Variants in RP1L1 observed in about 807,000 individuals in gnomAD.
RP1L1 encodes the protein retinitis pigmentosa 1-like 1 protein.
A neutral mutation model predicts 15.7 loss-of-function variants in RP1L1; 27 were observed. That is an observed-to-expected ratio of 1.72 (90% CI 1.27 to 2.38). The LOEUF is 2.38. RP1L1 is among the 30% of genes most tolerant of loss of function. RP1L1 has a pLI of 0.00. For missense variants in RP1L1, 4,798 were observed against 3,075.9 expected, an observed-to-expected ratio of 1.56 and a Z score of -13.24; for synonymous variants, 1,813 against 1,276.7, an observed-to-expected ratio of 1.42 and a Z score of -8.96.
chr8:10,609,978 A>G lies in RP1L1; in HGVS notation c.4120T>C (p.Leu1374=), dbSNP rs1340604938. ...TCTGGCCCTTCTTTAACTTCCTCTA[A>G]CTGCACCCCCTCTTCTTGCAGCCCT... ...GEGLQEEGVQ[L]EEVKEGPEGG... The change falls in exon 4 of 4, where the codon TTA becomes CTA. Residue 1374 remains leucine, a synonymous_variant. Coordinates refer to ENST00000382483, the MANE Select transcript of RP1L1 (RefSeq NM_178857.6). 1 of 1,612,702 alleles carries G rather than the reference A, an allele frequency of 6.2e-7. No homozygotes were observed. Among genetic ancestry groups the G allele is most frequent in the African/African-American group, 1.3e-5 (1 of 74,418 alleles).
chr8:10,651,420 A>G (rs1798558687), intron 1 of RP1L1, among the ~76,000 whole-genome samples: 1 of 152,184 alleles, frequency 6.6e-6, no homozygotes, highest in Admixed American at 6.5e-5. Context: ...ATGCTAAACT[A>G]AAAAATAGAA....
At chr8:10,639,708 GAATCTTATT>G (rs1798380785) in intron 1 of RP1L1, among the ~76,000 whole-genome samples, 1 of 152,146 alleles carries the variant, frequency 6.6e-6, no homozygotes, top group African/African-American at 2.4e-5. Context: ...CATTATTGGA[GAATCTTATT>G]GCAAGCCTTT....
chr8:10,612,602 AG>A lies in RP1L1; in HGVS notation c.1495del (p.Leu499TrpfsTer9), dbSNP rs1184951498. 6.2e-7 allele frequency: 1 copy of A among 1,601,580 alleles called. No individual in the cohort carries two copies. Among genetic ancestry groups the A allele is most frequent in the Non-Finnish European group, 8.5e-7 (1 of 1,179,056 alleles). ...TATGCATAGGCCGGGGTCCTCACCC[AG>A]GCTCCCTCCAGCTTTCCGCTCAGCC... Reference protein sequence around the residue: ...IGAERKAGGSLGEDPGLCIDG... With the variant: ...IGAERKAGGSXGEDPGLCIDG... On this transcript the variant is annotated frameshift_variant, in exon 4 of 4. Transcript: ENST00000382483. LOFTEE classifies it low-confidence loss of function (END_TRUNC).
intron 1 of RP1L1, among the ~76,000 whole-genome samples, chr8:10,647,230 C>A (rs893529836): frequency 2.0e-5 from 3 of 152,228 alleles, no homozygotes; most frequent in African/African-American, 7.2e-5. Context: ...AGTACAAATC[C>A]TAACGAATGT....
chr8:10,618,266 G>A (rs1268963668), intron 2 of RP1L1, among the ~76,000 whole-genome samples: 3 of 152,126 alleles, frequency 2.0e-5, no homozygotes, highest in Non-Finnish European at 2.9e-5. Flanking sequence ...TTGGGGGGCC[G>A]AGGTGGGTAG....
At chr8:10,644,377 G>A (rs1434492451) in intron 1 of RP1L1, among the ~76,000 whole-genome samples, 1 of 152,040 alleles carries the variant, frequency 6.6e-6, no homozygotes, top group Admixed American at 6.5e-5. Flanking sequence ...AGGCTTCCAG[G>A]ACACAGCAGC....
chr8:10,625,755 G>A (rs927697081), intron 1 of RP1L1, among the ~76,000 whole-genome samples: 3 of 152,174 alleles, frequency 2.0e-5, no homozygotes, highest in Admixed American at 6.5e-5. Context: ...AGAGGGCCTG[G>A]CAGGAAGCGG....
Position 10,608,683 on chromosome 8 carries a change from ACCCCCAGTTT to A in RP1L1, c.5405_5414del (p.Glu1802ValfsTer31), listed in dbSNP as rs1797762448. ...AGTTGTCCTCATGCCCAGAGCCTTG[ACCCCCAGTTT>A]CTCCCCTTTCACTTATGCCCTCTCC... is the stretch of plus-strand genomic sequence containing the variant. On this transcript the variant is annotated frameshift_variant, in exon 4 of 4. Coordinates refer to ENST00000382483, the MANE Select transcript of RP1L1 (RefSeq NM_178857.6). LOFTEE classifies it low-confidence loss of function (END_TRUNC). 1.2e-6 allele frequency: 2 copies of A among 1,613,720 alleles called. No individual in the cohort carries two copies.
At chr8:10,620,297 T>C (rs1384211386) in intron 2 of RP1L1, among the ~76,000 whole-genome samples, 2 of 152,094 alleles carry the variant, frequency 1.3e-5, no homozygotes, top group African/African-American at 4.8e-5. Context: ...CAAGGGAGAA[T>C]GTTCCCCCTT....
intron 3 of RP1L1, 108 bp downstream of exon 3, chr8:10,616,338 C>T (rs1797964288): frequency 7.0e-7 from 1 of 1,431,920 alleles, no homozygotes; most frequent in Non-Finnish European, 9.8e-7. Flanking sequence ...TACCCAAGAT[C>T]TGGGGCCAAA....
At chr8:10,654,540 A>C (rs1798610022) in intron 1 of RP1L1, among the ~76,000 whole-genome samples, 1 of 151,998 alleles carries the variant, frequency 6.6e-6, no homozygotes, top group Non-Finnish European at 1.5e-5. Flanking sequence ...CCTCTCCAAG[A>C]GCCCCAAGAA....
chr8:10,631,311 A>G (rs566133976), intron 1 of RP1L1, among the ~76,000 whole-genome samples: 3 of 82,172 alleles, frequency 3.7e-5, no homozygotes, highest in South Asian at 1.0e-3. Context: ...GCATGCACAC[A>G]CACGCACACA....
chr8:10,622,899 G>A lies in RP1L1; in HGVS notation c.303C>T (p.Cys101=), dbSNP rs756926025. The change falls in exon 2 of 4, where the codon TGC becomes TGT. Residue 101 remains cysteine (C), a synonymous_variant. Coordinates refer to ENST00000382483, the MANE Select transcript of RP1L1 (RefSeq NM_178857.6). The stretch of plus-strand genomic sequence containing the variant: ...GGGGCTTCTTATCAGAGCAGAGGTA[G>A]CAGCCTCCATCTTCCAGCTGCTCCA... ...SALEQLEDGG[C]YLCSDKKPPK... is the part of the protein sequence containing the mutation. 11 of 1,613,750 alleles carry A rather than the reference G, an allele frequency of 6.8e-6. No homozygotes were observed. Among genetic ancestry groups the A allele is most frequent in the Non-Finnish European group, 9.3e-6 (11 of 1,179,918 alleles).
Position 10,655,096 on chromosome 8 carries a change from C to T in RP1L1, c.-218G>A, listed in dbSNP as rs1277634707. On this transcript the variant is annotated 5_prime_UTR_variant, in exon 1 of 4. Transcript: ENST00000382483. ...GCCTGAGAGCCTGAGGCCCCAGTCC[C>T]TTGGGCAGGAGCCCAGCCTCCTGAG... The T allele has an allele frequency of 6.5e-6, 1 of 152,790 alleles. No individual in the cohort carries two copies. The highest frequency in any genetic ancestry group is 1.9e-4 in the East Asian group (1 of 5,190). 9.5% of individuals were successfully genotyped at this position (152,790 alleles called of 1,614,324 possible). A position where few individuals can be genotyped will look rare whatever the true frequency, so the allele number is the denominator to read the frequency against.
At chr8:10,651,447 G>T (rs1798559586) in intron 1 of RP1L1, among the ~76,000 whole-genome samples, 1 of 152,090 alleles carries the variant, frequency 6.6e-6, no homozygotes, top group African/African-American at 2.4e-5. Context: ...GCTATGCTCG[G>T]GCCGGGCGCA....
intron 1 of RP1L1, among the ~76,000 whole-genome samples, chr8:10,623,868 T>C (rs1798115703): frequency 6.7e-6 from 1 of 150,150 alleles, no homozygotes; most frequent in Admixed American, 6.6e-5. Flanking sequence ...ACCACGTATA[T>C]CCCCAGCACC....
intron 1 of RP1L1, among the ~76,000 whole-genome samples, chr8:10,629,853 C>T (rs1798214248): frequency 6.6e-6 from 1 of 152,088 alleles, no homozygotes; most frequent in Non-Finnish European, 1.5e-5. Flanking sequence ...GACTGAGATC[C>T]CATTCTGCCT....
chr8:10,615,843 T>C (rs1260470472), intron 3 of RP1L1, among the ~76,000 whole-genome samples: 1 of 152,204 alleles, frequency 6.6e-6, no homozygotes, highest in Non-Finnish European at 1.5e-5. Flanking sequence ...TGCCTGTGGC[T>C]CTTAATAAAA....
chr8:10,611,314 C>T lies in RP1L1; in HGVS notation c.2784G>A (p.Leu928=). The T allele has an allele frequency of 6.2e-7, 1 of 1,612,970 alleles. No individual in the cohort carries two copies. Among genetic ancestry groups the T allele is most frequent in the Non-Finnish European group, 8.5e-7 (1 of 1,180,020 alleles). Residue 928 remains leucine (L), a synonymous_variant, in exon 4 of 4, where the codon TTG becomes TTA. Transcript: ENST00000382483. ...GCCCCTGGGGGCCTCCCCCACTCCT[C>T]AAGGTCTTCTCCTCGGACAGCCCCC... is the stretch of plus-strand genomic sequence containing the variant. The part of the protein sequence containing the change: ...GSRGLSEEKT[L]RSGGGPQGQE...
Sources: gnomAD v4.1 joint callset for allele counts (sites outside exome capture counted in the v4.1 genomes callset) on GRCh38, gnomAD v4.1.1 for gene constraint, MANE v1.5 for transcripts, NCBI Gene and HGNC (gene_info 2026-07-23, HGNC 2026-07-21) for gene names.